The following KIF15 variants were observed in gnomAD, a reference collection of about 807,000 sequenced individuals.
The protein encoded by KIF15 is kinesin-like protein KIF15.
KIF15 carries 140 observed loss-of-function variants against 190.6 expected under a neutral mutation model. The observed-to-expected ratio is 0.73, with a 90% confidence interval of 0.64 to 0.84. The LOEUF (loss-of-function observed/expected upper bound fraction) is 0.84. Among genes scored for constraint, KIF15 ranks in the 40% least tolerant of loss-of-function variants. The pLI is 0.00. For synonymous variants in KIF15, 528 were observed against 551.3 expected, an observed-to-expected ratio of 0.96 and a Z score of 0.59; for missense variants, 1,372 against 1,584.4, an observed-to-expected ratio of 0.87 and a Z score of 2.28.
chr3:44,768,449 A>G (rs1300995780), intron 1 of KIF15, among the ~76,000 whole-genome samples: 6 of 152,158 alleles, frequency 3.9e-5, no homozygotes, highest in Admixed American at 6.5e-5. Flanking sequence ...AAAAAGTGTG[A>G]TACACCAGCT....
At chr3:44,799,883 G>T (rs1707182960) in intron 10 of KIF15, among the ~76,000 whole-genome samples, 1 of 152,092 alleles carries the variant, frequency 6.6e-6, no homozygotes. Context: ...CACCCTGCAA[G>T]TCATCATGCA....
intron 5 of KIF15, among the ~76,000 whole-genome samples, chr3:44,784,204 C>T (rs1330797529): frequency 1.3e-5 from 2 of 152,230 alleles, no homozygotes; most frequent in Admixed American, 6.5e-5. Flanking sequence ...CGGAGTCTCA[C>T]TCTGTCGCCC....
At chr3:44,807,788 T>C (rs773006775) in intron 16 of KIF15, among the ~76,000 whole-genome samples, 16 of 152,104 alleles carry the variant, frequency 1.1e-4, no homozygotes, top group Admixed American at 2.0e-4. Context: ...TTTGTTTCTG[T>C]TTTGATTTTT....
At chr3:44,774,225 G>A (rs1705764145) in intron 1 of KIF15, among the ~76,000 whole-genome samples, 170 bp from the exon 2 acceptor site, 1 of 152,186 alleles carries the variant, frequency 6.6e-6, no homozygotes, top group South Asian at 2.1e-4. Context: ...CCAGTAATGG[G>A]TTGGGATAGA....
At chr3:44,855,903 A>G (rs1254559481), downstream of KIF15, among the ~76,000 whole-genome samples, 1 of 152,048 alleles carries the variant, frequency 6.6e-6, no homozygotes, top group East Asian at 1.9e-4. Flanking sequence ...TTTGGGCTCT[A>G]TTTTTGAGAG....
At chr3:44,800,232 A>C (rs191343623) in intron 10 of KIF15, 82 bp from the exon 11 acceptor site, 1 of 1,357,174 alleles carries the variant, frequency 7.4e-7, no homozygotes, top group African/African-American at 1.5e-5. Context: ...CATCACTACA[A>C]ATCATACCAA....
Position 44,826,031 on chromosome 3 carries a change from T to C in KIF15, c.2550-8T>C. On this transcript the variant is annotated splice_polypyrimidine_tract_variant and splice_region_variant and intron_variant, in intron 20 of 34. Coordinates refer to ENST00000326047, the MANE Select transcript of KIF15 (RefSeq NM_020242.3). Reference sequence around the variant, plus strand: ...ATTTACCATTTTTAAAATGTTTTCCTTATAAAGGTTAGAAAACGAAAAGCT... The same window carrying C: ...ATTTACCATTTTTAAAATGTTTTCCCTATAAAGGTTAGAAAACGAAAAGCT... 6.3e-7 allele frequency: 1 copy of C among 1,575,750 alleles called. No homozygotes were observed. The highest frequency in any genetic ancestry group is 8.6e-7 in the Non-Finnish European group (1 of 1,168,220).
At chr3:44,861,864 A>G (rs1220944800) in intron 6 of KIF15, 1 of 1,476,752 alleles carries the variant, frequency 6.8e-7, no homozygotes, top group Non-Finnish European at 9.0e-7. Flanking sequence ...GCTGCCATCC[A>G]ATCGCGGCGC....
At chr3:44,864,755 G>A (rs1699302343) in intron 6 of KIF15, among the ~76,000 whole-genome samples, 1 of 152,146 alleles carries the variant, frequency 6.6e-6, no homozygotes. Flanking sequence ...CTTGAGTTGA[G>A]GGAGAAACAA....
At chr3:44,778,039 G>A (rs968758919) in intron 3 of KIF15, 76 bp from the exon 4 acceptor site, 3 of 1,230,804 alleles carry the variant, frequency 2.4e-6, no homozygotes, top group Admixed American at 1.7e-5. Context: ...AATTTTTGCT[G>A]TTACATTGTA....
At chr3:44,813,227 C>T (rs1327796276) in intron 19 of KIF15, 47 bp downstream of exon 19, 2 of 1,025,144 alleles carry the variant, frequency 2.0e-6, no homozygotes, top group Non-Finnish European at 2.9e-6. Context: ...AATACTGTAA[C>T]TCAATATCTT....
At position 44,778,133 on chromosome 3, in the gene KIF15, G is replaced by C; in HGVS notation, c.265G>C (p.Val89Leu). The C allele has an allele frequency of 6.2e-7, 1 of 1,613,742 alleles. No homozygotes were observed. Among genetic ancestry groups the C allele is most frequent in the South Asian group, 1.1e-5 (1 of 91,082 alleles). Residue 89 changes from valine to leucine, a missense_variant, in exon 4 of 35, where the codon GTG (valine) becomes CTG (leucine). Physicochemically the swap from Val to Leu is conservative, Grantham distance 32. Transcript: ENST00000326047. ...DTTQESVFAT[V>L]AKSIVESCMS... is the part of the protein sequence containing the mutation. ...TTTGTAGGAATCTGTATTCGCAACTGTGGCTAAAAGCATTGTGGAGTCTTG... is the reference window on the plus strand; with the variant it reads ...TTTGTAGGAATCTGTATTCGCAACTCTGGCTAAAAGCATTGTGGAGTCTTG...
chr3:44,846,781 A>G (rs1011477187), intron 30 of KIF15, among the ~76,000 whole-genome samples: 1 of 151,986 alleles, frequency 6.6e-6, no homozygotes, highest in African/African-American at 2.4e-5. Context: ...CAAAAAAAAA[A>G]AAAAAAAAAA....
chr3:44,861,936 G>A lies in KIF15; in HGVS notation c.*59+9142G>A, dbSNP rs2125738370. 3.5e-6 allele frequency: 5 copies of A among 1,427,088 alleles called. No individual in the cohort carries two copies. The East Asian group carries it at 1.5e-4, about 43-fold the overall frequency. 88.4% of individuals were successfully genotyped at this position (1,427,088 alleles called of 1,614,324 possible). Reference sequence around the variant, plus strand: ...TGTCAGCAGGCAACATGGCCGAGAGGCCGGGGCCTCCGGGCGGCGCCGTGT... The same window carrying A: ...TGTCAGCAGGCAACATGGCCGAGAGACCGGGGCCTCCGGGCGGCGCCGTGT... On this transcript the variant is annotated intron_variant and NMD_transcript_variant, in intron 6 of 6. Coordinates refer to the KIF15 transcript ENST00000422209.
chr3:44,780,760 G>GAA (rs1164771526), intron 4 of KIF15, 125 bp from the exon 5 acceptor site: 2 of 586,232 alleles, frequency 3.4e-6, no homozygotes, highest in Non-Finnish European at 5.8e-6. Context: ...TTATCTAATA[G>GAA]AATTTAAAAA....
chr3:44,781,836 C>T (rs1271339494), intron 5 of KIF15, among the ~76,000 whole-genome samples: 1 of 152,138 alleles, frequency 6.6e-6, no homozygotes, highest in East Asian at 1.9e-4. Flanking sequence ...TTGAAATGCC[C>T]ATTCAAGCTT....
At chr3:44,820,922 G>A (rs1290498313) in intron 20 of KIF15, among the ~76,000 whole-genome samples, 1 of 152,068 alleles carries the variant, frequency 6.6e-6, no homozygotes, top group Non-Finnish European at 1.5e-5. Context: ...TCCCAGTAGG[G>A]GCGGCCGGGC....
chr3:44,859,106 A>T (rs889033214), intron 6 of KIF15, among the ~76,000 whole-genome samples: 2 of 152,172 alleles, frequency 1.3e-5, no homozygotes, highest in African/African-American at 4.8e-5. Flanking sequence ...GGCTGTGGGC[A>T]TTTCTTGGCC....
chr3:44,793,876 C>G (rs1417193766), intron 7 of KIF15, among the ~76,000 whole-genome samples: 2 of 141,422 alleles, frequency 1.4e-5, no homozygotes, highest in East Asian at 4.1e-4. Flanking sequence ...TTTTTTTTCT[C>G]TTTTCCTTTT....
Sources: allele counts gnomAD v4.1 joint callset (sites outside exome capture counted in the v4.1 genomes callset), GRCh38; gene constraint gnomAD v4.1.1; transcripts MANE v1.5; gene names NCBI Gene and HGNC (gene_info 2026-07-23, HGNC 2026-07-21).